PLA2G4A: variants seen among roughly 807,000 people sequenced by gnomAD.
PLA2G4A encodes phospholipase A2 group IVA.
Under a neutral mutation model 81.9 loss-of-function variants are expected in PLA2G4A, and 40 were observed. The observed-to-expected ratio is 0.49, with a 90% CI of 0.38 to 0.64. PLA2G4A has a LOEUF of 0.64. Among genes scored for constraint, PLA2G4A ranks in the 30% least tolerant of loss-of-function variants. PLA2G4A has a pLI of 0.00. For missense variants in PLA2G4A, 715 were observed against 905.1 expected (o/e 0.79, Z 2.69); for synonymous variants, 302 against 296.9 (o/e 1.02, Z -0.18).
intron 1 of PLA2G4A, among the ~76,000 whole-genome samples, chr1:186,834,390 T>C (rs1198734280): frequency 6.6e-6 from 1 of 152,166 alleles, no homozygotes; most frequent in Non-Finnish European, 1.5e-5. Context: ...TTTTTTTCTT[T>C]TTTTTAATGT....
intron 17 of PLA2G4A, among the ~76,000 whole-genome samples, chr1:186,987,127 A>G (rs1331633846): frequency 6.6e-6 from 1 of 152,270 alleles, no homozygotes; most frequent in Non-Finnish European, 1.5e-5. Context: ...TGTCTGGGAC[A>G]TAAAGTCACA....
intron 14 of PLA2G4A, among the ~76,000 whole-genome samples, chr1:186,958,633 G>C (rs1656838488): frequency 6.6e-6 from 1 of 152,078 alleles, no homozygotes; most frequent in South Asian, 2.1e-4. Context: ...CTTTTCCCTT[G>C]GCCACATACC....
chr1:186,877,178 A>G (rs895188464), intron 3 of PLA2G4A, among the ~76,000 whole-genome samples: 1 of 152,046 alleles, frequency 6.6e-6, no homozygotes, highest in South Asian at 2.1e-4. Flanking sequence ...GCTCCAGGAA[A>G]GATGGAGAGG....
At chr1:186,903,139 G>A (rs775714675) in intron 5 of PLA2G4A, among the ~76,000 whole-genome samples, 9 of 151,726 alleles carry the variant, frequency 5.9e-5, no homozygotes, top group Non-Finnish European at 1.2e-4. Flanking sequence ...TCCTGCACAG[G>A]TCAAGTAAAT....
At chr1:186,988,073 G>A (rs1571474979) in intron 17 of PLA2G4A, among the ~76,000 whole-genome samples, 1 of 152,164 alleles carries the variant, frequency 6.6e-6, no homozygotes, top group African/African-American at 2.4e-5. Flanking sequence ...TTGGCAAAGA[G>A]CAGAACCAAC....
chr1:186,986,952 G>T (rs752697588), intron 17 of PLA2G4A, among the ~76,000 whole-genome samples: 1 of 152,090 alleles, frequency 6.6e-6, no homozygotes, highest in Non-Finnish European at 1.5e-5. Flanking sequence ...TTACCTTAAC[G>T]GACTCATTCA....
intron 1 of PLA2G4A, among the ~76,000 whole-genome samples, chr1:186,838,773 C>A (rs1454184069): frequency 2.0e-5 from 3 of 152,254 alleles, no homozygotes; most frequent in Middle Eastern, 3.4e-3. Context: ...GGTCTTTGTG[C>A]TCCCTAAGAT....
intron 1 of PLA2G4A, among the ~76,000 whole-genome samples, chr1:186,838,758 T>G (rs1422372946): frequency 6.6e-6 from 1 of 152,208 alleles, no homozygotes; most frequent in African/African-American, 2.4e-5. Flanking sequence ...TGTAGCATAC[T>G]CCTTGGTCTT....
chr1:186,925,349 G>A (rs1196297965), intron 7 of PLA2G4A, among the ~76,000 whole-genome samples: 1 of 152,118 alleles, frequency 6.6e-6, no homozygotes, highest in Non-Finnish European at 1.5e-5. Flanking sequence ...TTTTTACAAT[G>A]AATTCAGAGT....
intron 7 of PLA2G4A, among the ~76,000 whole-genome samples, chr1:186,927,915 A>G (rs1050164679): frequency 1.7e-4 from 26 of 152,074 alleles, no homozygotes; most frequent in Non-Finnish European, 8.8e-5. Context: ...TTCCACCTTC[A>G]TTCTGACAAT....
chr1:186,966,845 G>A lies in PLA2G4A; in HGVS notation c.1764+1252G>A, dbSNP rs74392496. On this transcript the variant is annotated intron_variant, in intron 15 of 17. Transcript: ENST00000367466. ...GTATGTTTTTGCTTACATATATATT[G>A]CTTTCACTGTCTGTGAGCTCCTTGT... Among the ~76,000 whole-genome samples, 986 of 152,178 alleles carry A rather than the reference G, an allele frequency of 6.5e-3. 13 individuals are homozygous for A. Among genetic ancestry groups the A allele is most frequent in the African/African-American group, 0.022 (928 of 41,498 alleles).
chr1:186,851,833 A>G (rs1296003528), intron 1 of PLA2G4A, among the ~76,000 whole-genome samples: 1 of 152,058 alleles, frequency 6.6e-6, no homozygotes, highest in Non-Finnish European at 1.5e-5. Flanking sequence ...ACAGTATAAT[A>G]GTAAATGGAT....
At chr1:186,915,952 G>A (rs1655121002) in intron 7 of PLA2G4A, among the ~76,000 whole-genome samples, 1 of 152,090 alleles carries the variant, frequency 6.6e-6, no homozygotes. Flanking sequence ...GAATTCATCA[G>A]GAACTGGGTC....
intron 6 of PLA2G4A, among the ~76,000 whole-genome samples, chr1:186,907,989 G>A (rs771454651): frequency 1.3e-5 from 2 of 152,058 alleles, no homozygotes; most frequent in Admixed American, 6.6e-5. Context: ...TTTGTTTAGC[G>A]GGGAATAGTC....
intron 3 of PLA2G4A, 47 bp downstream of exon 3, chr1:186,870,563 A>T (rs1301529241): frequency 7.4e-7 from 1 of 1,346,486 alleles, no homozygotes; most frequent in East Asian, 2.3e-5. Flanking sequence ...ATTATGGTTC[A>T]GCCTTTAATT....
chr1:186,950,567 G>A, intron 12 of PLA2G4A, 90 bp from the exon 13 acceptor site: 8 of 715,596 alleles, frequency 1.1e-5, no homozygotes, highest in Non-Finnish European at 1.5e-5. Context: ...ATCTCACTCT[G>A]TGGTTTTGCT....
At position 186,940,107 on chromosome 1, in the gene PLA2G4A, C is replaced by T; in HGVS notation, c.1033+13C>T. On this transcript the variant is annotated intron_variant, in intron 10 of 17. Transcript: ENST00000367466. The stretch of plus-strand genomic sequence containing the variant: ...CTGATGTTTGCAGGTATGCTGTTTC[C>T]TTTCTCAGAACACTTCCTGGAACCT... 6 of 1,416,580 alleles carry T rather than the reference C, an allele frequency of 4.2e-6. No homozygotes were observed. Among genetic ancestry groups the T allele is most frequent in the Non-Finnish European group, 5.0e-6 (5 of 999,802 alleles). 87.8% of individuals were successfully genotyped at this position (1,416,580 alleles called of 1,614,324 possible). A position where few individuals can be genotyped will look rare whatever the true frequency, so the allele number is the denominator to read the frequency against.
intron 15 of PLA2G4A, among the ~76,000 whole-genome samples, chr1:186,966,688 TC>T (rs536396818): frequency 1.3e-5 from 2 of 152,226 alleles, no homozygotes; most frequent in South Asian, 4.1e-4. Flanking sequence ...CACGCTTTGT[TC>T]CCTCTGCCTG....
At chr1:186,927,170 T>C (rs764604127) in intron 7 of PLA2G4A, among the ~76,000 whole-genome samples, 2 of 152,248 alleles carry the variant, frequency 1.3e-5, no homozygotes, top group Non-Finnish European at 2.9e-5. Context: ...TTCTGTGCCC[T>C]GTGTTGGCTG....
Sources: gnomAD v4.1 joint callset for allele counts (sites outside exome capture counted in the v4.1 genomes callset) on GRCh38, gnomAD v4.1.1 for gene constraint, MANE v1.5 for transcripts, NCBI Gene and HGNC (gene_info 2026-07-23, HGNC 2026-07-21) for gene names.